Variants in MEGF11 observed in about 807,000 individuals in gnomAD.
The protein encoded by MEGF11 is multiple epidermal growth factor-like domains protein 11.
A neutral mutation model predicts 146.6 loss-of-function variants in MEGF11; 126 were observed. The observed-to-expected ratio is 0.86, with a 90% CI of 0.74 to 1.00. The LOEUF is 1.00. Among genes scored for constraint, MEGF11 ranks in the 50% least tolerant of loss-of-function variants. The probability of loss-of-function intolerance (pLI) is 0.00; values close to 1 mark genes in which losing one functional copy is unlikely to be tolerated. For synonymous variants in MEGF11, 532 were observed against 583.4 expected, an observed-to-expected ratio of 0.91 and a Z score of 1.27; for missense variants, 1,509 against 1,521.2, an observed-to-expected ratio of 0.99 and a Z score of 0.13.
intron 10 of MEGF11, among the ~76,000 whole-genome samples, chr15:65,938,863 T>G (rs748401558): frequency 4.6e-5 from 7 of 152,352 alleles, no homozygotes; most frequent in Non-Finnish European, 1.0e-4. Context: ...TTCTATTAAA[T>G]TTGTTTCAAA....
chr15:66,112,539 G>C (rs2087482254), intron 4 of MEGF11, among the ~76,000 whole-genome samples: 6 of 152,198 alleles, frequency 3.9e-5, no homozygotes. Context: ...GAGAAATTAA[G>C]AGAATGGAAG....
In MEGF11 at chr15:65,913,752, C is replaced by CG; in HGVS notation, c.2694dup (p.Asp899ArgfsTer11). On this transcript the variant is annotated frameshift_variant, in exon 20 of 26. Transcript: ENST00000395614. LOFTEE classifies it high-confidence loss of function. ...TGGCCCTTACCTGAGAGGGAGTAGT[C>CG]GGTGCTGGTCATCCTCATGGCAGGT... The CG allele has an allele frequency of 6.2e-7, 1 of 1,612,362 alleles. No homozygotes were observed. Among genetic ancestry groups the CG allele is most frequent in the Non-Finnish European group, 8.5e-7 (1 of 1,179,208 alleles).
In MEGF11 at chr15:66,221,241, G is replaced by A. The variant is rs183632816; in HGVS notation, c.-9+32364C>T. 4.6e-5 allele frequency among the ~76,000 whole-genome samples: 7 copies of A among 152,064 alleles called. No individual in the cohort carries two copies. The East Asian group carries it at 9.7e-4, about 21-fold the overall frequency. ...TCAGTACTTCTGTCTTCCTCTCTGC[G>A]ACTCTCCTTGGGAGAGGGCTGCCTG... is the stretch of plus-strand genomic sequence containing the variant. On this transcript the variant is annotated intron_variant, in intron 1 of 25. Coordinates refer to ENST00000395614, the MANE Select transcript of MEGF11 (RefSeq NM_001385028.1).
intron 21 of MEGF11, among the ~76,000 whole-genome samples, chr15:65,911,585 G>T (rs1347009853): frequency 6.6e-6 from 1 of 152,158 alleles, no homozygotes; most frequent in Admixed American, 6.5e-5. Context: ...CTAATTTTTT[G>T]TATTTTTAGT....
At chr15:66,121,619 C>T (rs984679849) in intron 3 of MEGF11, among the ~76,000 whole-genome samples, 15 of 152,122 alleles carry the variant, frequency 9.9e-5, no homozygotes, top group African/African-American at 3.4e-4. Flanking sequence ...CAACCTTGCT[C>T]GTTTGAAGAA....
chr15:66,167,314 C>T (rs1053961434), intron 1 of MEGF11, among the ~76,000 whole-genome samples: 3 of 152,184 alleles, frequency 2.0e-5, no homozygotes, highest in Admixed American at 1.3e-4. Context: ...GGTCCACATG[C>T]CCTTCTGCTG....
chr15:66,027,094 C>T (rs1022847871), intron 5 of MEGF11, among the ~76,000 whole-genome samples: 4 of 152,198 alleles, frequency 2.6e-5, no homozygotes, highest in Admixed American at 6.5e-5. Context: ...GCACTGGACA[C>T]GCTAGCTGTG....
At chr15:66,000,021 C>G (rs61133495) in intron 5 of MEGF11, among the ~76,000 whole-genome samples, 2 of 152,132 alleles carry the variant, frequency 1.3e-5, no homozygotes, top group South Asian at 4.2e-4. Flanking sequence ...CTTAACCCAC[C>G]GGACCTCTGG....
intron 5 of MEGF11, among the ~76,000 whole-genome samples, chr15:66,013,189 G>A (rs1023055559): frequency 1.3e-5 from 2 of 152,182 alleles, no homozygotes; most frequent in African/African-American, 4.8e-5. Context: ...AGACTAGAGG[G>A]CAGCGGCAGA....
At chr15:66,060,505 G>A (rs112836156) in intron 5 of MEGF11, among the ~76,000 whole-genome samples, 2 of 152,238 alleles carry the variant, frequency 1.3e-5, no homozygotes, top group East Asian at 3.8e-4. Flanking sequence ...TCCGAGGGAT[G>A]TAGCCTTCTC....
intron 4 of MEGF11, among the ~76,000 whole-genome samples, chr15:66,099,969 G>A (rs1309331650): frequency 6.6e-6 from 1 of 152,174 alleles, no homozygotes; most frequent in African/African-American, 2.4e-5. Flanking sequence ...GCAGCACTGG[G>A]CATAGCCCTT....
chr15:66,043,982 G>A (rs1454651115), intron 5 of MEGF11, among the ~76,000 whole-genome samples: 3 of 152,158 alleles, frequency 2.0e-5, no homozygotes, highest in Non-Finnish European at 4.4e-5. Flanking sequence ...TCCTCAATAA[G>A]GCTTTTAAGA....
chr15:66,005,341 A>G (rs2082487844), intron 5 of MEGF11, among the ~76,000 whole-genome samples: 1 of 152,204 alleles, frequency 6.6e-6, no homozygotes, highest in African/African-American at 2.4e-5. Flanking sequence ...CAAATCCCTT[A>G]CAACAGTGAG....
intron 7 of MEGF11, among the ~76,000 whole-genome samples, chr15:65,974,590 G>C (rs1028777092): frequency 1.3e-5 from 2 of 152,160 alleles, no homozygotes; most frequent in Non-Finnish European, 2.9e-5. Context: ...GGGAGGCGGA[G>C]GTTGCAGTGA....
intron 1 of MEGF11, among the ~76,000 whole-genome samples, chr15:66,188,396 A>G (rs2090770522): frequency 1.4e-5 from 2 of 147,828 alleles, no homozygotes; most frequent in Admixed American, 1.3e-4. Context: ...AGAAAGGAAG[A>G]AAAAAAAAAA....
At chr15:66,074,452 C>A (rs1046984769) in intron 5 of MEGF11, among the ~76,000 whole-genome samples, 11 of 152,236 alleles carry the variant, frequency 7.2e-5, no homozygotes. Context: ...CCATTATGAA[C>A]AATAATGCAG....
chr15:66,042,205 G>C (rs763217871), intron 5 of MEGF11, among the ~76,000 whole-genome samples: 4 of 151,220 alleles, frequency 2.6e-5, no homozygotes, highest in Non-Finnish European at 5.9e-5. Flanking sequence ...TTGCCTCCCA[G>C]GTTCAGCGAT....
chr15:65,981,183 G>T (rs897964938), intron 6 of MEGF11, among the ~76,000 whole-genome samples: 5 of 152,202 alleles, frequency 3.3e-5, no homozygotes, highest in Non-Finnish European at 5.9e-5. Context: ...TCCCAAGGAG[G>T]AAGGCATTTT....
intron 25 of MEGF11, chr15:65,898,406 GCTTT>G (rs2078403816): frequency 3.0e-6 from 3 of 985,106 alleles, no homozygotes; most frequent in Non-Finnish European, 3.6e-6. Context: ...GTCTCTGATT[GCTTT>G]CTTTTTTAAA....
Sources: allele counts gnomAD v4.1 joint callset (sites outside exome capture counted in the v4.1 genomes callset), GRCh38; gene constraint gnomAD v4.1.1; transcripts MANE v1.5; gene names NCBI Gene and HGNC (gene_info 2026-07-23, HGNC 2026-07-21).